The following MICU2 variants were observed in gnomAD, a reference collection of about 807,000 sequenced individuals.
MICU2 encodes mitochondrial calcium uptake 2.
In MICU2, 64 loss-of-function variants were observed where a neutral mutation model predicts 60.4. The observed-to-expected ratio is 1.06, with a 90% CI of 0.87 to 1.31. The LOEUF is 1.31. Ranked by LOEUF, MICU2 falls within the 50% of genes most tolerant of loss-of-function variation. MICU2 has a pLI of 0.00. For missense variants in MICU2, 569 were observed against 531.0 expected (o/e 1.07, Z -0.70); for synonymous variants, 201 against 175.0 (o/e 1.15, Z -1.17).
chr13:21,525,604 T>TA lies in MICU2; in HGVS notation c.467-2955dup, dbSNP rs1239783315. 3.9e-5 allele frequency among the ~76,000 whole-genome samples: 6 copies of TA among 151,950 alleles called. No homozygotes were observed. The East Asian group carries it at 1.2e-3, about 29-fold the overall frequency. ...AACGCTTGTATTTTCTTTTTTTTTT[T>TA]AACTGCCAACCTAATGAATGTCACG... On this transcript the variant is annotated intron_variant, in intron 4 of 11. Transcript: ENST00000382374.
At chr13:21,577,200 C>T (rs1006198547) in intron 1 of MICU2, among the ~76,000 whole-genome samples, 1 of 152,180 alleles carries the variant, frequency 6.6e-6, no homozygotes, top group African/African-American at 2.4e-5. Flanking sequence ...GCTGGGGTGT[C>T]CTTAGAGCTT....
intron 4 of MICU2, among the ~76,000 whole-genome samples, chr13:21,527,917 C>T (rs1326368485): frequency 6.6e-6 from 1 of 152,146 alleles, no homozygotes; most frequent in East Asian, 1.9e-4. Context: ...AGTTACAATG[C>T]TTATCTAGAA....
chr13:21,502,816 T>C (rs1375630654), intron 9 of MICU2, 110 bp downstream of exon 9: 9 of 997,274 alleles, frequency 9.0e-6, no homozygotes, highest in Admixed American at 2.6e-5. Flanking sequence ...GTTGATTTTA[T>C]ATACCATCGA....
chr13:21,557,571 C>G (rs371576598), intron 2 of MICU2, among the ~76,000 whole-genome samples: 47 of 152,282 alleles, frequency 3.1e-4, no homozygotes, highest in African/African-American at 1.1e-3. Flanking sequence ...ATACATACTA[C>G]GTAAAAATGA....
chr13:21,536,470 G>A (rs1473432715), intron 4 of MICU2, among the ~76,000 whole-genome samples: 1 of 151,994 alleles, frequency 6.6e-6, no homozygotes, highest in African/African-American at 2.4e-5. Flanking sequence ...TGGGACTACA[G>A]GTGTGCATCA....
At chr13:21,501,326 A>C (rs1014305057) in intron 9 of MICU2, among the ~76,000 whole-genome samples, 1 of 151,740 alleles carries the variant, frequency 6.6e-6, no homozygotes, top group Non-Finnish European at 1.5e-5. Context: ...GCAGTGGCGC[A>C]ATCTCAGCTC....
chr13:21,603,062 G>A (rs1337632568), intron 1 of MICU2, among the ~76,000 whole-genome samples: 1 of 151,240 alleles, frequency 6.6e-6, no homozygotes, highest in African/African-American at 2.4e-5. Flanking sequence ...TCCGCCTCCC[G>A]GATTCAAGCG....
At chr13:21,550,493 G>A (rs936205535) in intron 2 of MICU2, among the ~76,000 whole-genome samples, 3 of 152,142 alleles carry the variant, frequency 2.0e-5, no homozygotes, top group Non-Finnish European at 2.9e-5. Flanking sequence ...AGCTATGATC[G>A]CACCACTGCA....
At chr13:21,569,299 T>C (rs1888054173) in intron 1 of MICU2, among the ~76,000 whole-genome samples, 1 of 152,240 alleles carries the variant, frequency 6.6e-6, no homozygotes, top group Admixed American at 6.5e-5. Context: ...TGCTACTCTA[T>C]AGTCTAAATA....
intron 2 of MICU2, among the ~76,000 whole-genome samples, chr13:21,564,478 G>A (rs991693582): frequency 2.0e-5 from 3 of 152,138 alleles, no homozygotes; most frequent in African/African-American, 7.2e-5. Context: ...TGGATGTGGT[G>A]GTGAGGTGAA....
At chr13:21,583,425 G>C (rs538814018) in intron 1 of MICU2, among the ~76,000 whole-genome samples, 1 of 152,228 alleles carries the variant, frequency 6.6e-6, no homozygotes, top group South Asian at 2.1e-4. Context: ...GAACCCCAAT[G>C]CTTCCTCATA....
chr13:21,524,412 T>C (rs1886798481), intron 4 of MICU2, among the ~76,000 whole-genome samples: 1 of 152,052 alleles, frequency 6.6e-6, no homozygotes, highest in Non-Finnish European at 1.5e-5. Flanking sequence ...AAATTCAGCC[T>C]GTATATCTAA....
intron 9 of MICU2, among the ~76,000 whole-genome samples, chr13:21,500,440 T>G (rs945086932): frequency 4.0e-5 from 6 of 149,952 alleles, no homozygotes; most frequent in Non-Finnish European, 5.9e-5. Flanking sequence ...TTTTTTTTTT[T>G]TTTTTTTTGA....
chr13:21,559,111 T>C (rs1004572713), intron 2 of MICU2, among the ~76,000 whole-genome samples: 1 of 152,192 alleles, frequency 6.6e-6, no homozygotes, highest in Non-Finnish European at 1.5e-5. Context: ...AGATGTTCTT[T>C]AATGTGCTAT....
chr13:21,563,431 G>A (rs572403720), intron 2 of MICU2, among the ~76,000 whole-genome samples: 1 of 151,474 alleles, frequency 6.6e-6, no homozygotes, highest in African/African-American at 2.4e-5. Context: ...CTCCAGCCTG[G>A]GCTATAGAGT....
chr13:21,586,417 G>T (rs1354273310), intron 1 of MICU2, among the ~76,000 whole-genome samples: 5 of 151,918 alleles, frequency 3.3e-5, no homozygotes, highest in East Asian at 1.9e-4. Context: ...TTTTTTGTTT[G>T]TTTTTTTAAA....
chr13:21,550,849 A>G (rs1887542628), intron 2 of MICU2, among the ~76,000 whole-genome samples: 1 of 152,206 alleles, frequency 6.6e-6, no homozygotes, highest in African/African-American at 2.4e-5. Flanking sequence ...CTAGACTAAT[A>G]GCTTATATAA....
rs1251743464 is a variant in MICU2, at chr13:21,573,036, TA to T, written c.211-6093del. Among the ~76,000 whole-genome samples the T allele has an allele frequency of 2.0e-5, 3 of 152,218 alleles. 1 individual carries two copies. Among genetic ancestry groups the T allele is most frequent in the African/African-American group, 7.2e-5 (3 of 41,462 alleles). On this transcript the variant is annotated intron_variant, in intron 1 of 11. Coordinates refer to ENST00000382374, the MANE Select transcript of MICU2 (RefSeq NM_152726.3). ...CGCCTCATACTCGACTAATGCCATA[TA>T]AATTCAACATTATTGTCTGATTTTA...
chr13:21,540,058 GA>G (rs949696379), intron 2 of MICU2, among the ~76,000 whole-genome samples: 2 of 151,870 alleles, frequency 1.3e-5, no homozygotes, highest in Non-Finnish European at 2.9e-5. Context: ...CATTGATTTA[GA>G]AAAAAACACT....
Sources: gnomAD v4.1 joint callset for allele counts (sites outside exome capture counted in the v4.1 genomes callset) on GRCh38, gnomAD v4.1.1 for gene constraint, MANE v1.5 for transcripts, NCBI Gene and HGNC (gene_info 2026-07-23, HGNC 2026-07-21) for gene names.